The following ALK variants were observed in gnomAD, a reference collection of about 807,000 sequenced individuals.
The protein encoded by ALK is ALK receptor tyrosine kinase.
ALK carries 74 observed loss-of-function variants against 163.1 expected under a neutral mutation model. The ratio of observed to expected loss-of-function variants is 0.45; its 90% confidence interval spans 0.38 to 0.55. ALK has a LOEUF of 0.55. ALK is among the 20% of genes least tolerant of loss of function. ALK has a pLI of 0.00. For missense variants in ALK, 2,063 were observed against 2,105.3 expected, an observed-to-expected ratio of 0.98 and a Z score of 0.39; for synonymous variants, 960 against 843.2, an observed-to-expected ratio of 1.14 and a Z score of -2.40.
intron 3 of ALK, among the ~76,000 whole-genome samples, chr2:29,680,361 T>G (rs1276225898): frequency 6.6e-6 from 1 of 152,096 alleles, no homozygotes; most frequent in Non-Finnish European, 1.5e-5. Flanking sequence ...GATCTGAACA[T>G]TTTTCTTAAA....
intron 4 of ALK, among the ~76,000 whole-genome samples, chr2:29,508,124 T>C (rs1474771787): frequency 1.3e-5 from 2 of 152,262 alleles, no homozygotes; most frequent in East Asian, 3.9e-4. Context: ...AGGGTCTGGC[T>C]GGCTTTCTTG....
At chr2:29,286,110 C>T (rs1665850110) in intron 9 of ALK, among the ~76,000 whole-genome samples, 1 of 152,202 alleles carries the variant, frequency 6.6e-6, no homozygotes, top group Non-Finnish European at 1.5e-5. Context: ...ATAAAAAGCT[C>T]ATTTTCTCCG....
chr2:29,314,906 C>T (rs551156369), intron 8 of ALK, among the ~76,000 whole-genome samples: 1 of 152,280 alleles, frequency 6.6e-6, no homozygotes, highest in African/African-American at 2.4e-5. Context: ...ATGCCAGACA[C>T]ATCCGCGGGT....
Position 29,214,962 on chromosome 2 carries a change from T to C in ALK, c.3646-881A>G, listed in dbSNP as rs112653911. Among the ~76,000 whole-genome samples the C allele has an allele frequency of 4.0e-3, 615 of 152,292 alleles. 3 individuals carry two copies. The highest frequency in any genetic ancestry group is 0.013 in the African/African-American group (561 of 41,566). ...ACACACACTGGGGGTTCAGTGAGTG[T>C]TGCGTGGCTGATTGGTTGATTATAG... On this transcript the variant is annotated intron_variant, in intron 23 of 28. Coordinates refer to ENST00000389048, the MANE Select transcript of ALK (RefSeq NM_004304.5).
At chr2:29,522,476 C>T (rs1256708675) in intron 4 of ALK, among the ~76,000 whole-genome samples, 2 of 152,082 alleles carry the variant, frequency 1.3e-5, no homozygotes, top group East Asian at 3.9e-4. Flanking sequence ...TGTCCCGTCC[C>T]CAGCCAGCAG....
chr2:29,217,861 G>A (rs770580985), intron 23 of ALK, among the ~76,000 whole-genome samples: 3 of 137,256 alleles, frequency 2.2e-5, no homozygotes, highest in Non-Finnish European at 3.1e-5. Flanking sequence ...GCACACCTCC[G>A]CCTACTTTCT....
In ALK at chr2:29,839,257, C is replaced by A. The variant is rs566333099; in HGVS notation, c.667+80736G>T. 5.9e-5 allele frequency among the ~76,000 whole-genome samples: 9 copies of A among 152,092 alleles called. No individual in the cohort carries two copies. The East Asian group carries it at 1.7e-3, about 29-fold the overall frequency. Reference sequence around the variant, plus strand: ...GGGTCACAGGAGATAGATTTTCTTGCGTGTTCTAATCTCCCTTCAATAAAC... The same window carrying A: ...GGGTCACAGGAGATAGATTTTCTTGAGTGTTCTAATCTCCCTTCAATAAAC... On this transcript the variant is annotated intron_variant, in intron 1 of 28. Transcript: ENST00000389048.
chr2:29,436,350 C>G (rs1573352412), intron 4 of ALK, among the ~76,000 whole-genome samples: 1 of 152,204 alleles, frequency 6.6e-6, no homozygotes, highest in Admixed American at 6.5e-5. Context: ...GGCAAGAACC[C>G]TTGAGAGCGG....
chr2:29,766,825 A>G (rs899192897), intron 1 of ALK, among the ~76,000 whole-genome samples: 1 of 152,174 alleles, frequency 6.6e-6, no homozygotes, highest in Non-Finnish European at 1.5e-5. Context: ...TCCCTGACAG[A>G]CCTGAAACCC....
intron 9 of ALK, chr2:29,286,315 T>C (rs1463997869): frequency 1.3e-5 from 2 of 152,224 alleles, no homozygotes; most frequent in Non-Finnish European, 1.5e-5. Context: ...TTGCCGACAA[T>C]GTGTCAGCCA....
At chr2:29,535,278 T>C (rs904254239) in intron 3 of ALK, among the ~76,000 whole-genome samples, 7 of 152,228 alleles carry the variant, frequency 4.6e-5, no homozygotes, top group Non-Finnish European at 8.8e-5. Flanking sequence ...GTTTCTTTTA[T>C]TATGCATCTT....
At chr2:29,243,786 T>C (rs1023751779) in intron 12 of ALK, among the ~76,000 whole-genome samples, 4 of 152,208 alleles carry the variant, frequency 2.6e-5, no homozygotes, top group Non-Finnish European at 5.9e-5. Flanking sequence ...TTTCTGATGG[T>C]TGAGAAACAA....
intron 26 of ALK, among the ~76,000 whole-genome samples, chr2:29,198,709 T>C (rs1185402746): frequency 6.6e-6 from 1 of 152,232 alleles, no homozygotes; most frequent in Admixed American, 6.5e-5. Flanking sequence ...ATGACAACTT[T>C]TGCTGATTTT....
intron 2 of ALK, among the ~76,000 whole-genome samples, chr2:29,716,995 CCA>C (rs1679277005): frequency 3.5e-5 from 1 of 28,896 alleles, no homozygotes; most frequent in Non-Finnish European, 7.4e-5. Context: ...TACCAAAAAT[CCA>C]AAAAAAAAAA....
At chr2:29,909,707 G>A (rs897340158) in intron 1 of ALK, among the ~76,000 whole-genome samples, 4 of 152,164 alleles carry the variant, frequency 2.6e-5, no homozygotes, top group African/African-American at 4.8e-5. Flanking sequence ...TTTTAAGTGT[G>A]TAAGAACCAG....
At chr2:29,521,453 C>T (rs890133887) in intron 4 of ALK, among the ~76,000 whole-genome samples, 1 of 152,196 alleles carries the variant, frequency 6.6e-6, no homozygotes, top group Non-Finnish European at 1.5e-5. Context: ...AGACATTGCA[C>T]CAAATCTTTG....
Position 29,222,349 on chromosome 2 carries a change from G to C in ALK, c.3510C>G (p.Ile1170Met), listed in dbSNP as rs546333460. 6.2e-7 allele frequency: 1 copy of C among 1,614,030 alleles called. No homozygotes were observed. Among genetic ancestry groups the C allele is most frequent in the Non-Finnish European group, 8.5e-7 (1 of 1,179,980 alleles). Residue 1170 changes from isoleucine (I) to methionine (M), a missense_variant, in exon 22 of 29, where the codon ATC (isoleucine) becomes ATG (methionine). Ile to Met is a conservative substitution (Grantham distance 10). This residue lies in a region of ALK where 575 missense variants were observed against 626.6 expected (regional missense o/e 0.92). Transcript: ENST00000389048. ...DELDFLMEAL[I>M]ISKFNHQNIV... The stretch of plus-strand genomic sequence containing the variant: ...GTGTCTCTCTGTGGCTTTACCTGAT[G>C]ATCAGGGCTTCCATGAGGAAATCCA...
intron 1 of ALK, among the ~76,000 whole-genome samples, chr2:29,902,280 T>C (rs544389486): frequency 8.6e-4 from 131 of 152,316 alleles, no homozygotes; most frequent in East Asian, 1.7e-3. Context: ...TATTCTAATC[T>C]TGCTGGCAAA....
chr2:29,912,977 TG>T, intron 1 of ALK, among the ~76,000 whole-genome samples: 2 of 152,326 alleles, frequency 1.3e-5, no homozygotes, highest in East Asian at 3.9e-4. Flanking sequence ...TCATTTCCTT[TG>T]GCTAGTTTCC....
Sources: allele counts gnomAD v4.1 joint callset (sites outside exome capture counted in the v4.1 genomes callset), GRCh38; gene constraint gnomAD v4.1.1; regional missense constraint gnomAD v4.1.1; transcripts MANE v1.5; gene names NCBI Gene and HGNC (gene_info 2026-07-23, HGNC 2026-07-21).